SMARCAD1: variants seen among roughly 807,000 people sequenced by gnomAD.
SMARCAD1 encodes the protein SWI/SNF-related matrix-associated actin-dependent regulator of chromatin subfamily A containing DEAD/H box 1.
In SMARCAD1, 25 loss-of-function variants were observed where a neutral mutation model predicts 127.1. The observed-to-expected ratio is 0.20, with a 90% confidence interval of 0.14 to 0.27. SMARCAD1 has a LOEUF of 0.27. Ranked by LOEUF, SMARCAD1 falls within the 10% of genes least tolerant of loss-of-function variation. SMARCAD1 has a pLI of 1.00. For missense variants in SMARCAD1, 807 were observed against 1,206.0 expected (o/e 0.67, Z 4.90); for synonymous variants, 400 against 396.9 (o/e 1.01, Z -0.09).
At chr4:94,232,728 G>A (rs1460970934) in intron 3 of SMARCAD1, among the ~76,000 whole-genome samples, 5 of 152,146 alleles carry the variant, frequency 3.3e-5, no homozygotes, top group African/African-American at 4.8e-5. Flanking sequence ...CAAGGCGGGC[G>A]GATCGCTTGA....
intron 3 of SMARCAD1, 95 bp downstream of exon 3, chr4:94,226,391 T>C (rs1488899152): frequency 9.8e-6 from 9 of 919,702 alleles, no homozygotes; most frequent in African/African-American, 2.3e-5. Context: ...GACTTCCCTT[T>C]TTTTTTTTTT....
At chr4:94,226,365 T>A in intron 3 of SMARCAD1, 69 bp downstream of exon 3, 1 of 1,353,612 alleles carries the variant, frequency 7.4e-7, no homozygotes, top group Non-Finnish European at 1.0e-6. Context: ...ACCTACCTAA[T>A]TTGAGATATT....
intron 2 of SMARCAD1, chr4:94,212,953 A>G (rs1742522743): frequency 1.6e-6 from 1 of 633,768 alleles, no homozygotes; most frequent in African/African-American, 2.0e-5. Flanking sequence ...GATTTATTTT[A>G]CTCTTCTCGG....
intron 2 of SMARCAD1, among the ~76,000 whole-genome samples, chr4:94,212,094 G>T (rs1452704190): frequency 6.6e-6 from 1 of 152,136 alleles, no homozygotes; most frequent in Non-Finnish European, 1.5e-5. Context: ...GCTTGTCGTA[G>T]GCCCTCAATA....
At chr4:94,248,551 C>G (rs955114599) in intron 6 of SMARCAD1, 27 of 455,948 alleles carry the variant, frequency 5.9e-5, no homozygotes, top group Non-Finnish European at 4.8e-5. Context: ...ATGGGTTTCA[C>G]CAGTATGTCT....
chr4:94,270,385 A>G (rs1043199237), intron 10 of SMARCAD1, among the ~76,000 whole-genome samples: 2 of 152,122 alleles, frequency 1.3e-5, no homozygotes, highest in African/African-American at 4.8e-5. Flanking sequence ...AATCAAATCA[A>G]CACAATTCAA....
chr4:94,239,966 A>T (rs572881179), intron 5 of SMARCAD1, among the ~76,000 whole-genome samples: 1 of 152,282 alleles, frequency 6.6e-6, no homozygotes, highest in East Asian at 1.9e-4. Flanking sequence ...AAAATATTAC[A>T]TTTAGAATAT....
At chr4:94,280,509 T>G in intron 19 of SMARCAD1, 83 bp from the exon 20 acceptor site, 1 of 1,181,804 alleles carries the variant, frequency 8.5e-7, no homozygotes, top group Non-Finnish European at 1.2e-6. Flanking sequence ...TTTTATCAGG[T>G]ATAAACAGTT....
At chr4:94,216,272 C>T (rs144157771) in intron 2 of SMARCAD1, among the ~76,000 whole-genome samples, 1 of 152,168 alleles carries the variant, frequency 6.6e-6, no homozygotes, top group Non-Finnish European at 1.5e-5. Context: ...TTCAACATAC[C>T]GTTTTGGGGA....
intron 23 of SMARCAD1, among the ~76,000 whole-genome samples, chr4:94,287,394 T>C (rs979770357): frequency 6.6e-6 from 1 of 152,196 alleles, no homozygotes; most frequent in Non-Finnish European, 1.5e-5. Context: ...TAATTGACTA[T>C]GTATTGCTTT....
intron 10 of SMARCAD1, among the ~76,000 whole-genome samples, chr4:94,270,153 A>G (rs1008935285): frequency 4.0e-5 from 6 of 151,726 alleles, no homozygotes; most frequent in African/African-American, 1.2e-4. Context: ...GTAGCATGTA[A>G]GTGTCAAAAC....
At chr4:94,274,996 T>C (rs1304010884) in intron 14 of SMARCAD1, 31 bp downstream of exon 14, 6 of 1,448,628 alleles carry the variant, frequency 4.1e-6, no homozygotes, top group Non-Finnish European at 5.8e-6. Flanking sequence ...GGAGGATGGA[T>C]ATTTATGCAG....
At chr4:94,267,390 T>C (rs796895449) in intron 10 of SMARCAD1, among the ~76,000 whole-genome samples, 10 of 152,206 alleles carry the variant, frequency 6.6e-5, no homozygotes, top group African/African-American at 2.4e-4. Context: ...CATAAACTTT[T>C]GGTCGGACAG....
chr4:94,289,722 C>T lies in SMARCAD1; in HGVS notation c.*188C>T, dbSNP rs200476496. On this transcript the variant is annotated 3_prime_UTR_variant, in exon 24 of 24. Coordinates refer to ENST00000354268, the MANE Select transcript of SMARCAD1 (RefSeq NM_020159.5). ...CTCCAAATACTCACACGTGAAATTT[C>T]AAAAAAGAAGCCACAAATATGTAGT... 1.4e-6 allele frequency: 1 copy of T among 691,378 alleles called. No individual in the cohort carries two copies. The highest frequency in any genetic ancestry group is 2.8e-5 in the East Asian group (1 of 35,170). 42.8% of individuals were successfully genotyped at this position (691,378 alleles called of 1,614,324 possible).
intron 4 of SMARCAD1, among the ~76,000 whole-genome samples, chr4:94,235,026 CA>C (rs1486461971): frequency 6.6e-6 from 1 of 152,088 alleles, no homozygotes. Flanking sequence ...CAAATAAAGC[CA>C]TAAGGCTGGA....
chr4:94,248,712 A>G (rs1748832323), intron 6 of SMARCAD1, among the ~76,000 whole-genome samples: 1 of 152,182 alleles, frequency 6.6e-6, no homozygotes, highest in African/African-American at 2.4e-5. Context: ...ATTATGAAAC[A>G]CATGCAATTT....
rs1746230535 is a variant in SMARCAD1 at position 94,233,862 on chromosome 4, T to TA, written c.369-92_369-91insA. ...ATTTACTATTGAAAAGAACTGCAGA[T>TA]GTGTTGTACTATGTATACACATAGA... On this transcript the variant is annotated intron_variant, in intron 3 of 23. Coordinates refer to ENST00000354268, the MANE Select transcript of SMARCAD1 (RefSeq NM_020159.5). 6.2e-6 allele frequency: 8 copies of TA among 1,284,066 alleles called. No individual in the cohort carries two copies. The East Asian group carries it at 1.5e-4, about 24-fold the overall frequency. 79.5% of individuals were successfully genotyped at this position (1,284,066 alleles called of 1,614,324 possible). A position where few individuals can be genotyped will look rare whatever the true frequency, so the allele number is the denominator to read the frequency against.
At chr4:94,279,120 G>A in intron 19 of SMARCAD1, 70 bp downstream of exon 19, 1 of 1,589,390 alleles carries the variant, frequency 6.3e-7, no homozygotes, top group Non-Finnish European at 8.6e-7. Flanking sequence ...TAAGATTGGT[G>A]AACCCAATGG....
At chr4:94,221,929 A>AG (rs1744205920) in intron 2 of SMARCAD1, among the ~76,000 whole-genome samples, 1 of 152,224 alleles carries the variant, frequency 6.6e-6, no homozygotes, top group African/African-American at 2.4e-5. Context: ...GATAGGACAA[A>AG]GGGGATCTGG....
Sources: allele counts gnomAD v4.1 joint callset (sites outside exome capture counted in the v4.1 genomes callset), GRCh38; gene constraint gnomAD v4.1.1; transcripts MANE v1.5; gene names NCBI Gene and HGNC (gene_info 2026-07-23, HGNC 2026-07-21).